The following CRIPT variants were observed in gnomAD, a reference collection of about 807,000 sequenced individuals.
CRIPT encodes the protein cysteine-rich PDZ-binding protein.
In CRIPT, 20 loss-of-function variants were observed where a neutral mutation model predicts 16.6. The observed-to-expected ratio is 1.20, with a 90% CI of 0.85 to 1.75. CRIPT has a LOEUF of 1.75. Among genes scored for constraint, CRIPT ranks in the 40% most tolerant of loss-of-function variants. The pLI is 0.00. For synonymous variants in CRIPT, 42 were observed against 37.0 expected (o/e 1.14, Z -0.49); for missense variants, 133 against 115.3 (o/e 1.15, Z -0.70).
intron 3 of CRIPT, among the ~76,000 whole-genome samples, chr2:46,620,387 G>T (rs1268425282): frequency 1.3e-5 from 2 of 151,990 alleles, no homozygotes; most frequent in African/African-American, 4.8e-5. Flanking sequence ...GGTCAAGGCT[G>T]CAGTGAGCCA....
In CRIPT at chr2:46,617,304, T is replaced by A. The variant is rs778036285; in HGVS notation, c.16+6T>A. Reference sequence around the variant, plus strand: ...AAGGATGGTGTGCGAAAAATGTGAGTTAAGGGGCCGCTTCTGCGGGAGGAG... The same window carrying A: ...AAGGATGGTGTGCGAAAAATGTGAGATAAGGGGCCGCTTCTGCGGGAGGAG... On this transcript the variant is annotated splice_donor_region_variant and intron_variant, in intron 1 of 4. Coordinates refer to ENST00000238892, the MANE Select transcript of CRIPT (RefSeq NM_014171.6). 5 of 1,554,646 alleles carry A rather than the reference T, an allele frequency of 3.2e-6. No homozygotes were observed. The highest frequency in any genetic ancestry group is 4.4e-6 in the Non-Finnish European group (5 of 1,148,226).
At position 46,617,364 on chromosome 2, in the gene CRIPT, A is replaced by G. The variant is rs1670686809; in HGVS notation, c.16+66A>G. The G allele has an allele frequency of 2.6e-6, 4 of 1,518,188 alleles. No homozygotes were observed. The African/African-American group carries it at 4.2e-5, about 16-fold the overall frequency. The allele number at this position is 1,518,188 out of a possible 1,614,324, so 94.0% of individuals were successfully genotyped here. A position where few individuals can be genotyped will look rare whatever the true frequency, so the allele number is the denominator to read the frequency against. On this transcript the variant is annotated intron_variant, in intron 1 of 4. Transcript: ENST00000238892. ...AGAACCTAACTGAGCTCTCCCGGGA[A>G]CTTTGCTTTCTCGTTGTTTTTTCTT...
chr2:46,623,734 C>A (rs776324669), intron 3 of CRIPT, 30 bp from the exon 4 acceptor site: 1 of 1,308,766 alleles, frequency 7.6e-7, no homozygotes, highest in South Asian at 1.2e-5. Flanking sequence ...GTGTAATATA[C>A]AATTTTCTCT....
At position 46,626,601 on chromosome 2, in the gene CRIPT, C is replaced by T. The variant is rs190024962; in HGVS notation, c.*2374C>T. 7.2e-4 allele frequency among the ~76,000 whole-genome samples: 110 copies of T among 152,238 alleles called. 1 individual carries two copies. The highest frequency in any genetic ancestry group is 2.5e-3 in the African/African-American group (105 of 41,548). On this transcript the variant is annotated 3_prime_UTR_variant, in exon 5 of 5. Transcript: ENST00000238892. Reference sequence around the variant, plus strand: ...TGGCTTCTACAGTGTTGAAGCATTCCGTTTTTCCCACAGCCTCACCAGCAT... The same window carrying T: ...TGGCTTCTACAGTGTTGAAGCATTCTGTTTTTCCCACAGCCTCACCAGCAT...
Position 46,628,200 on chromosome 2 carries a change from T to C in CRIPT, c.*3973T>C. ...ATCTCAGCTCACTGCAACCTCTGCC[T>C]CCTGAGTTCAAGCAATTCTCCTGCC... On this transcript the variant is annotated 3_prime_UTR_variant, in exon 5 of 5. Coordinates refer to ENST00000238892, the MANE Select transcript of CRIPT (RefSeq NM_014171.6). Among the ~76,000 whole-genome samples, 1 of 150,738 alleles carries C rather than the reference T, an allele frequency of 6.6e-6. No individual in the cohort carries two copies. Among genetic ancestry groups the C allele is most frequent in the South Asian group, 2.1e-4 (1 of 4,728 alleles).
rs114853740 is a variant in CRIPT, at chr2:46,628,507, T to C, written c.*4280T>C. Among the ~76,000 whole-genome samples, 1,941 of 152,344 alleles carry C rather than the reference T, an allele frequency of 0.013. 48 individuals are homozygous for C. The highest frequency in any genetic ancestry group is 0.044 in the African/African-American group (1,841 of 41,568). ...GGGCAGTATGGCCATTTTAATGATA[T>C]TGATTCTTCTAGCTCATGAGCTTGG... On this transcript the variant is annotated 3_prime_UTR_variant, in exon 5 of 5. Coordinates refer to ENST00000238892, the MANE Select transcript of CRIPT (RefSeq NM_014171.6).
intron 3 of CRIPT, 48 bp from the exon 4 acceptor site, chr2:46,623,716 T>C: frequency 9.8e-7 from 1 of 1,016,294 alleles, no homozygotes; most frequent in Non-Finnish European, 1.5e-6. Context: ...TATTTAAGAG[T>C]GTTTCTAGTG....
At chr2:46,618,475 A>G (rs1670722903) in intron 1 of CRIPT, among the ~76,000 whole-genome samples, 1 of 152,226 alleles carries the variant, frequency 6.6e-6, no homozygotes, top group Admixed American at 6.5e-5. Flanking sequence ...TAGTTTATAC[A>G]TGATAGATGC....
intron 1 of CRIPT, among the ~76,000 whole-genome samples, chr2:46,618,241 G>C (rs1186991870): frequency 6.6e-6 from 1 of 151,430 alleles, no homozygotes; most frequent in East Asian, 1.9e-4. Flanking sequence ...CTTTTTGGGG[G>C]GAAGGTCTCT....
rs1423308506 is a variant in CRIPT at position 46,629,760 on chromosome 2, C to G, written c.*5533C>G. Among the ~76,000 whole-genome samples, 7 of 152,154 alleles carry G rather than the reference C, an allele frequency of 4.6e-5. No individual in the cohort carries two copies. The highest frequency in any genetic ancestry group is 1.0e-4 in the Non-Finnish European group (7 of 68,030). ...ATCACTTGGGTAAGATGTCCAGTTT[C>G]TCCAGTGTATCGTTATTGTTTTTCC... On this transcript the variant is annotated 3_prime_UTR_variant, in exon 5 of 5. Transcript: ENST00000238892.
chr2:46,619,758 T>A, intron 3 of CRIPT, 77 bp downstream of exon 3: 1 of 1,099,750 alleles, frequency 9.1e-7, no homozygotes, highest in Non-Finnish European at 1.4e-6. Context: ...GAATTTGATG[T>A]GCATCATTCC....
At position 46,618,806 on chromosome 2, in the gene CRIPT, A is replaced by G. The variant is rs750253997; in HGVS notation, c.50A>G (p.Asp17Gly). 6.2e-7 allele frequency: 1 copy of G among 1,607,894 alleles called. No homozygotes were observed. The highest frequency in any genetic ancestry group is 8.5e-7 in the Non-Finnish European group (1 of 1,176,416). The change falls in exon 2 of 5, where the codon GAT (aspartate) becomes GGT (glycine). Residue 17 changes from aspartate (D) to glycine (G), a missense_variant. Coordinates refer to ENST00000238892, the MANE Select transcript of CRIPT (RefSeq NM_014171.6). The stretch of plus-strand genomic sequence containing the variant: ...AAACTTGGTACTGTTATCACTCCAG[A>G]TACATGGAAAGATGGTGCTAGGAAT... ...EKKLGTVITPDTWKDGARNTT... is the reference protein window; with the variant it reads ...EKKLGTVITPGTWKDGARNTT...
intron 3 of CRIPT, among the ~76,000 whole-genome samples, chr2:46,622,886 G>A (rs1432983213): frequency 6.6e-6 from 1 of 151,724 alleles, no homozygotes; most frequent in Non-Finnish European, 1.5e-5. Context: ...CTATACCCAA[G>A]AGAAGACACC....
In CRIPT at chr2:46,625,087, T is replaced by G. The variant is rs1670902583; in HGVS notation, c.*860T>G. The stretch of plus-strand genomic sequence containing the variant: ...AATTTGTTTGTTTTTTTTTTTTTTT[T>G]TTGGATACAAGAGCTCACTCTGTTG... On this transcript the variant is annotated 3_prime_UTR_variant, in exon 5 of 5. Transcript: ENST00000238892. 1.3e-5 allele frequency: 2 copies of G among 150,096 alleles called. No individual in the cohort carries two copies. The highest frequency in any genetic ancestry group is 3.0e-5 in the Non-Finnish European group (2 of 67,566). The allele number at this position is 150,096 out of a possible 1,614,324, so 9.3% of individuals were successfully genotyped here. A position where few individuals can be genotyped will look rare whatever the true frequency, so the allele number is the denominator to read the frequency against.
rs1343097598 is a variant in CRIPT at position 46,627,901 on chromosome 2, C to G, written c.*3674C>G. Among the ~76,000 whole-genome samples, 1 of 152,056 alleles carries G rather than the reference C, an allele frequency of 6.6e-6. No individual in the cohort carries two copies. On this transcript the variant is annotated 3_prime_UTR_variant, in exon 5 of 5. Coordinates refer to ENST00000238892, the MANE Select transcript of CRIPT (RefSeq NM_014171.6). ...TGTTGCTTATTTTTGTTAACTTTGTCAAAGGTCAGATGGCTGTAGGTGTGT... is the reference window on the plus strand; with the variant it reads ...TGTTGCTTATTTTTGTTAACTTTGTGAAAGGTCAGATGGCTGTAGGTGTGT...
chr2:46,622,241 T>G (rs6739468), intron 3 of CRIPT, among the ~76,000 whole-genome samples: 77,078 of 150,898 alleles, frequency 0.51, 21,245 homozygotes, highest in African/African-American at 0.73. Context: ...GTGGTGGCGG[T>G]CACCTGTAAT....
intron 2 of CRIPT, among the ~76,000 whole-genome samples, chr2:46,619,209 C>T (rs1353090375): frequency 1.3e-5 from 2 of 151,758 alleles, no homozygotes; most frequent in Admixed American, 6.6e-5. Context: ...ATGCTTTAAC[C>T]CATTTTACCT....
chr2:46,621,628 A>T (rs928499250), intron 3 of CRIPT, among the ~76,000 whole-genome samples: 1 of 152,232 alleles, frequency 6.6e-6, no homozygotes, highest in African/African-American at 2.4e-5. Flanking sequence ...GGCTTTGCCT[A>T]TCATGTTCAT....
At chr2:46,620,243 G>T (rs1670766919) in intron 3 of CRIPT, among the ~76,000 whole-genome samples, 1 of 152,160 alleles carries the variant, frequency 6.6e-6, no homozygotes, top group Admixed American at 6.5e-5. Flanking sequence ...GAGCCCAGGA[G>T]TTTGAGAGCA....
Sources: gnomAD v4.1 joint callset for allele counts (sites outside exome capture counted in the v4.1 genomes callset) on GRCh38, gnomAD v4.1.1 for gene constraint, MANE v1.5 for transcripts, NCBI Gene and HGNC (gene_info 2026-07-23, HGNC 2026-07-21) for gene names.